PRPF6: variants seen among roughly 807,000 people sequenced by gnomAD.
The protein encoded by PRPF6 is pre-mRNA processing factor 6, also known as pre-mRNA-processing factor 6.
Under a neutral mutation model 118.3 loss-of-function variants are expected in PRPF6, and 42 were observed. The observed-to-expected ratio is 0.35, with a 90% CI of 0.28 to 0.46. PRPF6 has a LOEUF of 0.46. PRPF6 is among the 20% of genes least tolerant of loss of function. The pLI, the probability that PRPF6 is intolerant of heterozygous loss-of-function variation, is 1.00. For missense variants in PRPF6, 662 were observed against 1,255.7 expected, an observed-to-expected ratio of 0.53 and a Z score of 7.15; for synonymous variants, 481 against 485.1, an observed-to-expected ratio of 0.99 and a Z score of 0.11.
intron 11 of PRPF6, among the ~76,000 whole-genome samples, chr20:64,015,059 A>G (rs2059231049): frequency 6.6e-6 from 1 of 152,122 alleles, no homozygotes; most frequent in African/African-American, 2.4e-5. Context: ...ATTATGGTCT[A>G]TGTATTATTT....
chr20:64,005,982 A>G (rs1026777666), intron 9 of PRPF6, among the ~76,000 whole-genome samples: 18 of 151,978 alleles, frequency 1.2e-4, no homozygotes, highest in Admixed American at 1.2e-3. Flanking sequence ...TGATCCTCCC[A>G]CCTCAGTCTC....
Position 63,999,158 on chromosome 20 carries a change from C to A in PRPF6, c.866+19C>A. 1.9e-6 allele frequency: 3 copies of A among 1,606,694 alleles called. No homozygotes were observed. The highest frequency in any genetic ancestry group is 2.6e-6 in the Non-Finnish European group (3 of 1,173,870). On this transcript the variant is annotated intron_variant, in intron 7 of 20. Transcript: ENST00000266079. ...ACATCAAGTGAGTGCTTTGCAGAATCGCTGGGCTGGGATGGAGACTCTAGT... is the reference window on the plus strand; with the variant it reads ...ACATCAAGTGAGTGCTTTGCAGAATAGCTGGGCTGGGATGGAGACTCTAGT...
At chr20:64,001,360 C>T in intron 9 of PRPF6, 121 bp downstream of exon 9, 1 of 1,245,490 alleles carries the variant, frequency 8.0e-7, no homozygotes, top group South Asian at 1.3e-5. Context: ...ATTTTTCAGG[C>T]CTTTTCTCAG....
chr20:64,023,989 T>C (rs2059277008), intron 13 of PRPF6, among the ~76,000 whole-genome samples: 1 of 152,188 alleles, frequency 6.6e-6, no homozygotes, highest in Non-Finnish European at 1.5e-5. Context: ...GTGGTCACTT[T>C]GTCTTGCTGT....
intron 7 of PRPF6, 138 bp downstream of exon 7, chr20:63,999,277 C>G (rs762479801): frequency 1.2e-4 from 93 of 775,914 alleles, no homozygotes; most frequent in Non-Finnish European, 2.0e-4. Flanking sequence ...TTTGTTTTTT[C>G]CATTTGAAAT....
chr20:64,026,955 G>T lies in PRPF6; in HGVS notation c.2029-27G>T. ...GCACGTACCCTGGAGCTGATGCCCT[G>T]CGTGACAGTGCATGTCTGCCCCACA... On this transcript the variant is annotated intron_variant, in intron 15 of 20. Coordinates refer to ENST00000266079, the MANE Select transcript of PRPF6 (RefSeq NM_012469.4). This position sits in a 1 kb window ranked among gnomAD's most constrained non-coding sequence, Gnocchi z 4.4. 1 of 1,613,564 alleles carries T rather than the reference G, an allele frequency of 6.2e-7. No homozygotes were observed. The highest frequency in any genetic ancestry group is 8.5e-7 in the Non-Finnish European group (1 of 1,179,924).
At chr20:63,981,992 C>T (rs966122221) in intron 1 of PRPF6, among the ~76,000 whole-genome samples, 2 of 151,878 alleles carry the variant, frequency 1.3e-5, no homozygotes, top group Admixed American at 6.6e-5. Context: ...GAGAAACTGA[C>T]ATTCTGCGTG....
In PRPF6 at chr20:63,999,743, C is replaced by T. The variant is rs2123021452; in HGVS notation, c.1007C>T (p.Thr336Met). 4.3e-6 allele frequency: 7 copies of T among 1,614,140 alleles called. No homozygotes were observed. Among genetic ancestry groups the T allele is most frequent in the East Asian group, 2.2e-5 (1 of 44,880 alleles). Residue 336 changes from threonine (T) to methionine (M), a missense_variant, in exon 8 of 21, where the codon ACG becomes ATG. Physicochemically the swap from Thr to Met is moderately conservative, Grantham distance 81. Coordinates refer to ENST00000266079, the MANE Select transcript of PRPF6 (RefSeq NM_012469.4). ...QVARNLIMKG[T>M]EMCPKSEDVW... ...GCTCGGAACCTTATCATGAAGGGGACGGAGATGTGCCCCAAGGTGAGGTAT... is the reference window on the plus strand; with the variant it reads ...GCTCGGAACCTTATCATGAAGGGGATGGAGATGTGCCCCAAGGTGAGGTAT...
At position 64,024,652 on chromosome 20, in the gene PRPF6, G is replaced by C; in HGVS notation, c.1867G>C (p.Asp623His). The change falls in exon 14 of 21, where the codon GAT becomes CAT. Residue 623 changes from aspartate to histidine, a missense_variant. Physicochemically the swap from Asp to His is moderately conservative, Grantham distance 81. Transcript: ENST00000266079. ...MGAKSKWLAG[D>H]VPAARSILAL... ...CGCCAAGTCCAAGTGGCTGGCAGGG[G>C]ATGTGCCTGCAGCAAGGAGCATCCT... is the stretch of plus-strand genomic sequence containing the variant. The C allele has an allele frequency of 6.2e-7, 1 of 1,613,542 alleles. No homozygotes were observed. The highest frequency in any genetic ancestry group is 8.5e-7 in the Non-Finnish European group (1 of 1,179,990).
In PRPF6 at chr20:64,029,253, G is replaced by A. The variant is rs553954430; in HGVS notation, c.2432-124G>A. 1.8e-4 allele frequency: 149 copies of A among 827,752 alleles called. 1 individual carries two copies. The South Asian group carries it at 1.9e-3, about 11-fold the overall frequency. The allele number at this position is 827,752 out of a possible 1,614,324, so 51.3% of individuals were successfully genotyped here. A position where few individuals can be genotyped will look rare whatever the true frequency, so the allele number is the denominator to read the frequency against. On this transcript the variant is annotated intron_variant, in intron 18 of 20. Coordinates refer to ENST00000266079, the MANE Select transcript of PRPF6 (RefSeq NM_012469.4). This position sits in a 1 kb window ranked among gnomAD's most constrained non-coding sequence, Gnocchi z 4.8. ...GTGGTTCTCCTTGCACAAGTTCTGC[G>A]AGCCGTGTGTGGGAGGCCCCTGTCG... is the stretch of plus-strand genomic sequence containing the variant.
chr20:64,003,931 C>T (rs2059179027), intron 9 of PRPF6, among the ~76,000 whole-genome samples: 1 of 152,184 alleles, frequency 6.6e-6, no homozygotes, highest in African/African-American at 2.4e-5. Context: ...TGGCCAGGAA[C>T]AGAAAGTTAG....
intron 11 of PRPF6, among the ~76,000 whole-genome samples, chr20:64,016,459 C>T (rs550873337): frequency 2.1e-4 from 32 of 152,248 alleles, no homozygotes; most frequent in African/African-American, 7.7e-4. Context: ...AATAAAAAGG[C>T]TTTACATTTC....
intron 9 of PRPF6, 144 bp from the exon 10 acceptor site, chr20:64,010,056 G>A: frequency 1.3e-6 from 1 of 778,690 alleles, no homozygotes; most frequent in Non-Finnish European, 2.3e-6. Flanking sequence ...AGACCTGAAG[G>A]AAGCCACATA....
chr20:64,004,787 G>C (rs888911995), intron 9 of PRPF6, among the ~76,000 whole-genome samples: 1 of 152,226 alleles, frequency 6.6e-6, no homozygotes, highest in African/African-American at 2.4e-5. Flanking sequence ...GGGGAGGCCC[G>C]ACTGGCAGCT....
chr20:63,997,511 C>G (rs1369783096), intron 6 of PRPF6, among the ~76,000 whole-genome samples: 1 of 149,934 alleles, frequency 6.7e-6, no homozygotes, highest in African/African-American at 2.5e-5. Flanking sequence ...AGCTGGAGTG[C>G]AGTGGTGTGA....
Position 63,985,013 on chromosome 20 carries a change from G to A in PRPF6, c.347G>A (p.Arg116Lys), listed in dbSNP as rs368504765. 2 of 1,612,212 alleles carry A rather than the reference G, an allele frequency of 1.2e-6. No homozygotes were observed. The highest frequency in any genetic ancestry group is 2.7e-5 in the African/African-American group (2 of 74,854). ...CTGGATAAAAGGATGGATGAAAGAA[G>A]AAAAGAAAGACGGTAAAAGAAATTG... ...AALDKRMDER[R>K]KERREQREKE... Residue 116 changes from arginine (R) to lysine (K), a missense_variant, in exon 3 of 21, where the codon AGA (arginine) becomes AAA (lysine). Physicochemically the swap from Arg to Lys is conservative, Grantham distance 26. Transcript: ENST00000266079.
In PRPF6 at chr20:64,027,374, A is replaced by T. The variant is rs1007522028; in HGVS notation, c.2205+216A>T. Among the ~76,000 whole-genome samples, 1 of 152,078 alleles carries T rather than the reference A, an allele frequency of 6.6e-6. No homozygotes were observed. Among genetic ancestry groups the T allele is most frequent in the South Asian group, 2.1e-4 (1 of 4,830 alleles). On this transcript the variant is annotated intron_variant, in intron 16 of 20. Transcript: ENST00000266079. This position sits in a 1 kb window ranked among gnomAD's most constrained non-coding sequence, Gnocchi z 6.5. ...CTGCACACACTGCTCAGAAGTGCAG[A>T]GTGTGGCACACCTGCAGTAAAGGCT...
At chr20:63,981,352 C>A in intron 1 of PRPF6, 36 bp downstream of exon 1, 1 of 1,547,748 alleles carries the variant, frequency 6.5e-7, no homozygotes, top group South Asian at 1.2e-5. Context: ...GGCGGGGACC[C>A]GGCTACAGGA....
At chr20:63,999,878 A>G in intron 8 of PRPF6, 119 bp downstream of exon 8, 1 of 1,277,778 alleles carries the variant, frequency 7.8e-7, no homozygotes, top group Non-Finnish European at 1.1e-6. Flanking sequence ...ACAATAGGGC[A>G]GGCTGGGGGA....
Sources: gnomAD v4.1 joint callset for allele counts (sites outside exome capture counted in the v4.1 genomes callset) on GRCh38, gnomAD v4.1.1 for gene constraint, Gnocchi (gnomAD v3.1) non-coding constraint, MANE v1.5 for transcripts, NCBI Gene and HGNC (gene_info 2026-07-23, HGNC 2026-07-21) for gene names.